CNOT1: variants seen among roughly 807,000 people sequenced by gnomAD.
CNOT1 encodes CCR4-NOT transcription complex subunit 1, also known as CCR4-associated factor 1.
CNOT1 carries 15 observed loss-of-function variants against 273.8 expected under a neutral mutation model. The observed-to-expected ratio is 0.05, with a 90% confidence interval of 0.04 to 0.08. CNOT1 has a LOEUF of 0.08. CNOT1 is among the 10% of genes least tolerant of loss of function. The probability of loss-of-function intolerance (pLI) is 1.00; values close to 1 mark genes in which losing one functional copy is unlikely to be tolerated. For synonymous variants in CNOT1, 1,022 were observed against 1,005.5 expected, an observed-to-expected ratio of 1.02 and a Z score of -0.31; for missense variants, 1,644 against 2,912.2, an observed-to-expected ratio of 0.56 and a Z score of 10.02.
chr16:58,546,504 C>T lies in CNOT1; in HGVS notation c.3829-6G>A. The T allele has an allele frequency of 6.2e-7, 1 of 1,612,158 alleles. No homozygotes were observed. The highest frequency in any genetic ancestry group is 8.5e-7 in the Non-Finnish European group (1 of 1,179,490). Reference sequence around the variant, plus strand: ...ATTTCAAACTTCAAGTTTAACTGCACAGTTCCAGAGTTGGATTAGAATTTT... The same window carrying T: ...ATTTCAAACTTCAAGTTTAACTGCATAGTTCCAGAGTTGGATTAGAATTTT... On this transcript the variant is annotated splice_region_variant and splice_polypyrimidine_tract_variant and intron_variant, in intron 28 of 48. Transcript: ENST00000317147.
At chr16:58,618,411 T>C (rs1023675455) in intron 1 of CNOT1, among the ~76,000 whole-genome samples, 2 of 152,012 alleles carry the variant, frequency 1.3e-5, no homozygotes, top group Non-Finnish European at 2.9e-5. Flanking sequence ...GTAAACCCCG[T>C]GTCTACTAAA....
Position 58,538,138 on chromosome 16 carries a change from C to A in CNOT1, c.5244+20G>T, listed in dbSNP as rs376661552. The A allele has an allele frequency of 2.5e-4, 407 of 1,605,172 alleles. 4 individuals carry two copies. Among genetic ancestry groups the A allele is most frequent in the Non-Finnish European group, 2.4e-4 (285 of 1,171,948 alleles). ...ACTTCCCTGAGTCCTTTTGTCCGTG[C>A]AAGTAAATTCCTTCCATACCTGCGC... On this transcript the variant is annotated intron_variant, in intron 37 of 48. Coordinates refer to ENST00000317147, the MANE Select transcript of CNOT1 (RefSeq NM_016284.5).
chr16:58,527,404 G>A (rs2151897038), intron 44 of CNOT1, among the ~76,000 whole-genome samples: 1 of 151,618 alleles, frequency 6.6e-6, no homozygotes, highest in African/African-American at 2.4e-5. Context: ...GCGGGCACCT[G>A]TAGTACCAGC....
At chr16:58,617,997 C>G (rs998355680) in intron 1 of CNOT1, among the ~76,000 whole-genome samples, 2 of 152,090 alleles carry the variant, frequency 1.3e-5, no homozygotes, top group Admixed American at 6.6e-5. Context: ...CAGAGCAAGA[C>G]CCTGCCTCTA....
chr16:58,591,827 C>T (rs2042066946), intron 2 of CNOT1, among the ~76,000 whole-genome samples: 2 of 151,834 alleles, frequency 1.3e-5, no homozygotes, highest in South Asian at 2.1e-4. Context: ...CACTCTAAGT[C>T]TTAATCCTCC....
At chr16:58,548,294 G>C (rs781350772) in intron 25 of CNOT1, among the ~76,000 whole-genome samples, 3 of 152,042 alleles carry the variant, frequency 2.0e-5, no homozygotes, top group Admixed American at 6.5e-5. Context: ...TTTTTCTAAG[G>C]GGGGGCAGAA....
chr16:58,555,680 C>T (rs557394460), intron 20 of CNOT1, 104 bp downstream of exon 20: 24 of 1,560,140 alleles, frequency 1.5e-5, no homozygotes, highest in South Asian at 8.7e-5. Context: ...AAACACAAAC[C>T]GCTATATCAG....
At chr16:58,604,697 T>C (rs1597578463) in intron 1 of CNOT1, among the ~76,000 whole-genome samples, 1 of 147,708 alleles carries the variant, frequency 6.8e-6, no homozygotes, top group Non-Finnish European at 1.5e-5. Flanking sequence ...CTTGGGAGGC[T>C]GAGGCAGAAT....
intron 1 of CNOT1, among the ~76,000 whole-genome samples, chr16:58,627,403 CAA>C (rs754338444): frequency 1.5e-4 from 10 of 65,168 alleles, no homozygotes; most frequent in Middle Eastern, 0.019. Context: ...GACTCCATCT[CAA>C]AAAAAAAAAA....
intron 47 of CNOT1, 88 bp from the exon 48 acceptor site, chr16:58,521,405 T>C: frequency 1.5e-6 from 2 of 1,373,602 alleles, no homozygotes; most frequent in South Asian, 2.8e-5. Flanking sequence ...AACTTCTCCC[T>C]GACTATTGAA....
intron 31 of CNOT1, chr16:58,543,320 T>C (rs142081519): frequency 6.5e-7 from 1 of 1,548,968 alleles, no homozygotes; most frequent in Non-Finnish European, 8.7e-7. Context: ...GATTGTCAGA[T>C]ATCACATTTC....
intron 2 of CNOT1, among the ~76,000 whole-genome samples, chr16:58,592,744 G>A (rs910304378): frequency 3.9e-5 from 6 of 152,150 alleles, no homozygotes; most frequent in African/African-American, 1.4e-4. Flanking sequence ...TTCAAGTGAT[G>A]AATCTGCAAC....
chr16:58,556,709 T>G, intron 19 of CNOT1, 138 bp downstream of exon 19: 7 of 1,386,954 alleles, frequency 5.0e-6, no homozygotes, highest in Non-Finnish European at 6.6e-6. Flanking sequence ...CTCTAACTTT[T>G]AATAATTCAA....
chr16:58,532,187 T>A (rs759616134), intron 41 of CNOT1, 45 bp downstream of exon 41: 2 of 1,607,818 alleles, frequency 1.2e-6, no homozygotes, highest in Non-Finnish European at 1.7e-6. Context: ...TTTTACTACA[T>A]TAATCCAGCA....
At chr16:58,543,584 T>A (rs762224267) in intron 31 of CNOT1, 23 bp downstream of exon 31, 2 of 1,614,138 alleles carry the variant, frequency 1.2e-6, no homozygotes, top group Non-Finnish European at 1.7e-6. Flanking sequence ...TTTGTACCTA[T>A]ACCAAGGAAA....
chr16:58,571,694 G>C (rs933914324), intron 16 of CNOT1, among the ~76,000 whole-genome samples: 4 of 151,748 alleles, frequency 2.6e-5, no homozygotes, highest in African/African-American at 9.7e-5. Context: ...AAAATAATAG[G>C]AGGCCGGGCA....
At chr16:58,615,621 G>T (rs1319736755) in intron 1 of CNOT1, among the ~76,000 whole-genome samples, 1 of 125,932 alleles carries the variant, frequency 7.9e-6, no homozygotes, top group Non-Finnish European at 1.9e-5. Flanking sequence ...ACTCTGTTAA[G>T]CCGCTGTTAT....
intron 19 of CNOT1, 32 bp downstream of exon 19, chr16:58,556,815 A>G (rs562551783): frequency 3.1e-6 from 5 of 1,607,220 alleles, no homozygotes; most frequent in Non-Finnish European, 4.3e-6. Flanking sequence ...TATCAGTCAC[A>G]CTTCACAATC....
Position 58,547,323 on chromosome 16 carries a change from G to C in CNOT1, c.3640-27C>G. 1 of 1,611,066 alleles carries C rather than the reference G, an allele frequency of 6.2e-7. No individual in the cohort carries two copies. ...TAGAATAAGAAAAATACTTTCAAAA[G>C]CGGGGAATATACCCCCCAAAATGGT... On this transcript the variant is annotated intron_variant, in intron 26 of 48. Coordinates refer to ENST00000317147, the MANE Select transcript of CNOT1 (RefSeq NM_016284.5). This position sits in a 1 kb window ranked among gnomAD's most constrained non-coding sequence, Gnocchi z 4.0.
Sources: allele counts gnomAD v4.1 joint callset (sites outside exome capture counted in the v4.1 genomes callset), GRCh38; gene constraint gnomAD v4.1.1; non-coding constraint Gnocchi (gnomAD v3.1); transcripts MANE v1.5; gene names NCBI Gene and HGNC (gene_info 2026-07-23, HGNC 2026-07-21).